PIKFYVE: variants seen among roughly 807,000 people sequenced by gnomAD.
PIKFYVE encodes the protein 1-phosphatidylinositol 3-phosphate 5-kinase.
PIKFYVE carries 122 observed loss-of-function variants against 257.9 expected under a neutral mutation model. The observed-to-expected ratio is 0.47, with a 90% CI of 0.41 to 0.55. PIKFYVE has a LOEUF of 0.55. Among genes scored for constraint, PIKFYVE ranks in the 20% least tolerant of loss-of-function variants. The probability of loss-of-function intolerance (pLI) is 0.00; values close to 1 mark genes in which losing one functional copy is unlikely to be tolerated. For synonymous variants in PIKFYVE, 892 were observed against 868.9 expected, an observed-to-expected ratio of 1.03 and a Z score of -0.47; for missense variants, 2,160 against 2,536.6, an observed-to-expected ratio of 0.85 and a Z score of 3.19.
chr2:208,341,996 A>G (rs1323143244), intron 31 of PIKFYVE, among the ~76,000 whole-genome samples: 1 of 152,032 alleles, frequency 6.6e-6, no homozygotes, highest in Non-Finnish European at 1.5e-5. Flanking sequence ...TACACATGTA[A>G]GATCCTTAAA....
chr2:208,297,553 T>C (rs1693139369), intron 7 of PIKFYVE, among the ~76,000 whole-genome samples: 1 of 152,174 alleles, frequency 6.6e-6, no homozygotes, highest in Non-Finnish European at 1.5e-5. Flanking sequence ...TGATACATAT[T>C]AGGCGAGCTA....
chr2:208,290,414 A>G (rs1385758260), intron 7 of PIKFYVE, among the ~76,000 whole-genome samples: 2 of 152,142 alleles, frequency 1.3e-5, no homozygotes, highest in African/African-American at 4.8e-5. Context: ...ACCTACTAAT[A>G]CGCATTTAAG....
At chr2:208,345,984 G>GTACTTACTA in intron 33 of PIKFYVE, 66 bp from the exon 34 acceptor site, 1 of 1,116,338 alleles carries the variant, frequency 9.0e-7, no homozygotes, top group Non-Finnish European at 1.4e-6. Flanking sequence ...TTAGTGTAGA[G>GTACTTACTA]TACTTACTAT....
intron 7 of PIKFYVE, among the ~76,000 whole-genome samples, chr2:208,294,907 C>T (rs921519846): frequency 5.9e-5 from 9 of 152,224 alleles, no homozygotes; most frequent in African/African-American, 2.2e-4. Flanking sequence ...GGGAATTTTT[C>T]TGACATTCAC....
rs751563395 is a variant in PIKFYVE at position 208,325,047 on chromosome 2, C to G, written c.2458+10C>G. The G allele has an allele frequency of 2.5e-6, 4 of 1,613,958 alleles. No homozygotes were observed. The highest frequency in any genetic ancestry group is 3.4e-6 in the Non-Finnish European group (4 of 1,179,970). ...TTTCAGTTGCCTAATGGTGAGTGAT[C>G]TTTAGCATAGATTGACCTGAGGAAA... On this transcript the variant is annotated intron_variant, in intron 19 of 41. Coordinates refer to ENST00000264380, the MANE Select transcript of PIKFYVE (RefSeq NM_015040.4).
At chr2:208,335,547 A>C in intron 25 of PIKFYVE, 128 bp downstream of exon 25, 1 of 869,142 alleles carries the variant, frequency 1.2e-6, no homozygotes, top group Non-Finnish European at 1.8e-6. Context: ...CTTGGTGTAC[A>C]AAAAGAAAAT....
intron 29 of PIKFYVE, among the ~76,000 whole-genome samples, chr2:208,339,030 T>C (rs1178328388): frequency 6.6e-6 from 1 of 152,216 alleles, no homozygotes; most frequent in African/African-American, 2.4e-5. Context: ...AACTTACAAT[T>C]CTTGGCATTT....
At chr2:208,314,725 C>T (rs931995611) in intron 14 of PIKFYVE, among the ~76,000 whole-genome samples, 1 of 152,062 alleles carries the variant, frequency 6.6e-6, no homozygotes, top group South Asian at 2.1e-4. Context: ...GGTAAAACCC[C>T]GTCTCTACTA....
At chr2:208,274,449 A>G (rs1689845827) in intron 3 of PIKFYVE, among the ~76,000 whole-genome samples, 1 of 152,174 alleles carries the variant, frequency 6.6e-6, no homozygotes. Flanking sequence ...AGGGGAAGGG[A>G]TGCAGCATTG....
chr2:208,317,750 G>A (rs1323268201), intron 15 of PIKFYVE, 117 bp from the exon 16 acceptor site: 24 of 945,484 alleles, frequency 2.5e-5, no homozygotes, highest in Admixed American at 1.7e-4. Context: ...GAAATTTTTT[G>A]TTCTTATTTG....
chr2:208,293,118 A>G (rs923214373), intron 7 of PIKFYVE, among the ~76,000 whole-genome samples: 2 of 150,856 alleles, frequency 1.3e-5, no homozygotes, highest in African/African-American at 2.4e-5. Context: ...AGAGTTTGCA[A>G]TGTAACTTAC....
At chr2:208,276,311 A>T (rs915576779) in intron 3 of PIKFYVE, among the ~76,000 whole-genome samples, 1 of 152,244 alleles carries the variant, frequency 6.6e-6, no homozygotes, top group Non-Finnish European at 1.5e-5. Context: ...TTGACTTTAG[A>T]GACCAAGCTA....
rs1698130216 is a variant in PIKFYVE at position 208,336,234 on chromosome 2, A to G, written c.4520+34A>G. ...TTGCAGTCTGGTTTTCTTTAATATT[A>G]TTGCCACATTTGTTCTAATGTGATA... On this transcript the variant is annotated intron_variant, in intron 27 of 41. Coordinates refer to ENST00000264380, the MANE Select transcript of PIKFYVE (RefSeq NM_015040.4). 3 of 1,611,682 alleles carry G rather than the reference A, an allele frequency of 1.9e-6. No individual in the cohort carries two copies. In the South Asian group the frequency reaches 3.3e-5, roughly 18 times the overall value.
chr2:208,325,018 G>C lies in PIKFYVE; in HGVS notation c.2439G>C (p.Gln813His), dbSNP rs752555562. Reference protein sequence around the residue: ...HLGTCHKFYMQIFQLPNEQTK... With the variant: ...HLGTCHKFYMHIFQLPNEQTK... ...GCACTTGTCACAAATTTTATATGCA[G>C]ATATTTCAGTTGCCTAATGGTGAGT... The change falls in exon 19 of 42, where the codon CAG becomes CAC. Residue 813 changes from glutamine to histidine, a missense_variant. Physicochemically the swap from Gln to His is conservative, Grantham distance 24 (BLOSUM62 0). Transcript: ENST00000264380. The C allele has an allele frequency of 4.3e-6, 7 of 1,614,116 alleles. No homozygotes were observed. In the East Asian group the frequency reaches 8.9e-5, roughly 21 times the overall value.
rs1281074554 is a variant in PIKFYVE at position 208,342,076 on chromosome 2, A to T, written c.4932-478A>T. 4.6e-5 allele frequency among the ~76,000 whole-genome samples: 7 copies of T among 152,312 alleles called. No individual in the cohort carries two copies. In the East Asian group the frequency reaches 1.2e-3, roughly 25 times the overall value. On this transcript the variant is annotated intron_variant, in intron 31 of 41. Coordinates refer to ENST00000264380, the MANE Select transcript of PIKFYVE (RefSeq NM_015040.4). ...GTAAGTAGCACCTAAATTAAAAATG[A>T]CTGTGCCTAACAGTGCCTAGGTGAG...
chr2:208,355,135 T>C (rs952816388), intron 41 of PIKFYVE, 55 bp from the exon 42 acceptor site: 10 of 1,351,378 alleles, frequency 7.4e-6, no homozygotes, highest in Admixed American at 1.7e-5. Context: ...TTGACTTCAG[T>C]TGCCCAATCA....
intron 7 of PIKFYVE, among the ~76,000 whole-genome samples, chr2:208,294,829 A>G (rs563576122): frequency 6.6e-6 from 1 of 152,290 alleles, no homozygotes; most frequent in East Asian, 1.9e-4. Context: ...CTTGTTATGA[A>G]GAACAGAATG....
At chr2:208,266,697 C>T (rs1688676733) in intron 1 of PIKFYVE, among the ~76,000 whole-genome samples, 1 of 152,366 alleles carries the variant, frequency 6.6e-6, no homozygotes, top group South Asian at 2.1e-4. Flanking sequence ...TTGCCTCTCT[C>T]TCGACCCTTA....
intron 3 of PIKFYVE, 126 bp downstream of exon 3, chr2:208,273,859 A>C: frequency 5.0e-6 from 7 of 1,392,336 alleles, no homozygotes; most frequent in Non-Finnish European, 7.1e-6. Flanking sequence ...TACTATTTGA[A>C]ATAGTCAGGT....
Sources: gnomAD v4.1 joint callset for allele counts (sites outside exome capture counted in the v4.1 genomes callset) on GRCh38, gnomAD v4.1.1 for gene constraint, MANE v1.5 for transcripts, NCBI Gene and HGNC (gene_info 2026-07-23, HGNC 2026-07-21) for gene names.